PLD1: variants seen among roughly 807,000 people sequenced by gnomAD.
The protein encoded by PLD1 is choline phosphatase 1.
A neutral mutation model predicts 137.1 loss-of-function variants in PLD1; 112 were observed. The observed-to-expected ratio is 0.82, with a 90% CI of 0.70 to 0.96. PLD1 has a LOEUF of 0.96. Ranked by LOEUF, PLD1 falls within the 40% of genes least tolerant of loss-of-function variation. The pLI is 0.00. For synonymous variants in PLD1, 431 were observed against 454.7 expected (o/e 0.95, Z 0.66); for missense variants, 1,321 against 1,342.0 (o/e 0.98, Z 0.24).
At chr3:171,789,623 A>G (rs1723143755) in intron 1 of PLD1, 1 of 152,278 alleles carries the variant, frequency 6.6e-6, no homozygotes, top group Non-Finnish European at 1.5e-5. Context: ...TCATTTTAAA[A>G]GCAAATTTTA....
intron 11 of PLD1, among the ~76,000 whole-genome samples, chr3:171,700,301 GAAACACACACAC>G (rs990783305): frequency 4.1e-5 from 6 of 147,530 alleles, no homozygotes. Context: ...TTTCCTCCCT[GAAACACACACAC>G]AAACACACAC....
intron 24 of PLD1, among the ~76,000 whole-genome samples, chr3:171,613,033 G>A (rs532114479): frequency 1.3e-5 from 2 of 152,234 alleles, no homozygotes; most frequent in Non-Finnish European, 1.5e-5. Flanking sequence ...AGCTGAGTGT[G>A]GTGACGCATG....
chr3:171,739,719 A>T (rs1405369012), intron 1 of PLD1, among the ~76,000 whole-genome samples: 3 of 152,166 alleles, frequency 2.0e-5, no homozygotes, highest in Admixed American at 6.5e-5. Flanking sequence ...CTCTTTATAG[A>T]TAAGGAAACT....
At chr3:171,659,827 T>G (rs1166788942) in intron 20 of PLD1, among the ~76,000 whole-genome samples, 2 of 152,218 alleles carry the variant, frequency 1.3e-5, no homozygotes, top group Non-Finnish European at 2.9e-5. Flanking sequence ...TTATTATCTC[T>G]GAACTTCTAT....
In PLD1 at chr3:171,676,847, C is replaced by T. The variant is rs779623654; in HGVS notation, c.1997-14G>A. ...TGTCAATGAAATCTGCCCGGGTGCA[C>T]CAGGCAAGGATCAGTCATTAACTTC... On this transcript the variant is annotated splice_polypyrimidine_tract_variant and intron_variant, in intron 17 of 26. Transcript: ENST00000351298. 21 of 1,573,326 alleles carry T rather than the reference C, an allele frequency of 1.3e-5. No homozygotes were observed. Among genetic ancestry groups the T allele is most frequent in the African/African-American group, 1.3e-5 (1 of 74,162 alleles).
intron 1 of PLD1, among the ~76,000 whole-genome samples, chr3:171,796,325 T>C (rs185645970): frequency 1.3e-5 from 2 of 152,308 alleles, no homozygotes; most frequent in East Asian, 3.9e-4. Context: ...TTAAAATATA[T>C]ACATAGAGCA....
chr3:171,636,616 T>C (rs1735154442), intron 23 of PLD1, among the ~76,000 whole-genome samples: 1 of 152,148 alleles, frequency 6.6e-6, no homozygotes, highest in African/African-American at 2.4e-5. Context: ...ATACTCATCT[T>C]GTATCTTGAA....
At chr3:171,782,973 C>T (rs1028739195) in intron 1 of PLD1, among the ~76,000 whole-genome samples, 2 of 151,954 alleles carry the variant, frequency 1.3e-5, no homozygotes, top group Admixed American at 6.6e-5. Flanking sequence ...GGAGGATGCA[C>T]GTTTGTCCAT....
At chr3:171,794,837 G>A (rs146894941) in intron 1 of PLD1, among the ~76,000 whole-genome samples, 3 of 152,154 alleles carry the variant, frequency 2.0e-5, no homozygotes, top group East Asian at 1.9e-4. Context: ...CCATGACTAG[G>A]CTATGGATAC....
intron 24 of PLD1, among the ~76,000 whole-genome samples, chr3:171,613,759 C>T (rs1298577900): frequency 6.6e-6 from 1 of 151,996 alleles, no homozygotes; most frequent in African/African-American, 2.4e-5. Flanking sequence ...AAATATTTTG[C>T]TATTAGTTCA....
chr3:171,717,974 T>C (rs551008194), intron 8 of PLD1, among the ~76,000 whole-genome samples: 1 of 152,252 alleles, frequency 6.6e-6, no homozygotes, highest in Non-Finnish European at 1.5e-5. Flanking sequence ...CCTGCATCTA[T>C]TGAGATAATC....
At chr3:171,643,569 G>A (rs1424202664) in intron 22 of PLD1, among the ~76,000 whole-genome samples, 6 of 152,004 alleles carry the variant, frequency 3.9e-5, no homozygotes, top group African/African-American at 1.4e-4. Flanking sequence ...AAAGGTTATA[G>A]TTTTTGTTTC....
intron 25 of PLD1, chr3:171,611,468 G>T: frequency 2.5e-6 from 1 of 403,398 alleles, no homozygotes; most frequent in South Asian, 1.8e-5. Flanking sequence ...CGCAGCCCTT[G>T]AAAGTTCTAA....
chr3:171,758,917 A>G (rs1721211770), intron 1 of PLD1, among the ~76,000 whole-genome samples: 2 of 152,230 alleles, frequency 1.3e-5, no homozygotes, highest in Admixed American at 6.5e-5. Context: ...CTTTAGAAGC[A>G]TGTATCATGT....
chr3:171,656,156 T>TTTTTTTTATTTATTTATTTATTTA lies in PLD1; in HGVS notation c.2429+3056_2429+3057insTAAATAAATAAATAAATAAAAAAA, dbSNP rs1553810398. ...TTCTTGTAGCCCTAAAATACTATAA[T>TTTTTTTTATTTATTTATTTATTTA]TTTATTTATTTATTTATTTATTTAT... On this transcript the variant is annotated intron_variant, in intron 21 of 26. Transcript: ENST00000351298. 5.7e-3 allele frequency among the ~76,000 whole-genome samples: 831 copies of TTTTTTTTATTTATTTATTTATTTA among 145,414 alleles called. 8 individuals are homozygous for TTTTTTTTATTTATTTATTTATTTA. The highest frequency in any genetic ancestry group is 0.018 in the African/African-American group (723 of 39,306).
chr3:171,674,847 C>T lies in PLD1; in HGVS notation c.2116-234G>A, dbSNP rs559379317. ...TACAAAAATTAGCCAAGCATGGTGG[C>T]GGGCGCCTGTAATCCCAGCTACTCG... On this transcript the variant is annotated intron_variant, in intron 18 of 26. Coordinates refer to ENST00000351298, the MANE Select transcript of PLD1 (RefSeq NM_002662.5). 8.7e-4 allele frequency among the ~76,000 whole-genome samples: 132 copies of T among 151,716 alleles called. 1 individual carries two copies. Among genetic ancestry groups the T allele is most frequent in the Middle Eastern group, 3.4e-3 (1 of 294 alleles).
intron 11 of PLD1, among the ~76,000 whole-genome samples, chr3:171,706,027 A>G (rs1307164065): frequency 6.6e-6 from 1 of 152,190 alleles, no homozygotes; most frequent in Non-Finnish European, 1.5e-5. Context: ...GTTACTAACC[A>G]TTTTTGAAAG....
intron 11 of PLD1, among the ~76,000 whole-genome samples, chr3:171,701,865 T>C (rs1336189202): frequency 6.6e-6 from 1 of 152,158 alleles, no homozygotes; most frequent in Non-Finnish European, 1.5e-5. Context: ...ATGACAACTA[T>C]AACTGTAAGA....
chr3:171,646,511 T>C (rs1736228282), intron 21 of PLD1, among the ~76,000 whole-genome samples: 1 of 151,924 alleles, frequency 6.6e-6, no homozygotes, highest in Admixed American at 6.6e-5. Context: ...GAAACAAGGA[T>C]CTTGAGTAGG....
Sources: allele counts gnomAD v4.1 joint callset (sites outside exome capture counted in the v4.1 genomes callset), GRCh38; gene constraint gnomAD v4.1.1; transcripts MANE v1.5; gene names NCBI Gene and HGNC (gene_info 2026-07-23, HGNC 2026-07-21).